The following ABCC3 variants were observed in gnomAD, a reference collection of about 807,000 sequenced individuals.
ABCC3 encodes ATP-binding cassette sub-family C member 3.
A neutral mutation model predicts 165.3 loss-of-function variants in ABCC3; 121 were observed. The observed-to-expected ratio is 0.73, with a 90% CI of 0.63 to 0.85. The LOEUF (loss-of-function observed/expected upper bound fraction) is 0.85, where lower values mean the gene tolerates loss of function less well. Ranked by LOEUF, ABCC3 falls within the 40% of genes least tolerant of loss-of-function variation. ABCC3 has a pLI of 0.00. For missense variants in ABCC3, 1,869 were observed against 1,964.1 expected, an observed-to-expected ratio of 0.95 and a Z score of 0.92; for synonymous variants, 733 against 810.1, an observed-to-expected ratio of 0.90 and a Z score of 1.62.
chr17:50,683,043 A>G (rs905126426), intron 26 of ABCC3, among the ~76,000 whole-genome samples: 2 of 152,058 alleles, frequency 1.3e-5, no homozygotes, highest in Non-Finnish European at 2.9e-5. Flanking sequence ...GTCTCTTCAG[A>G]GTTTTTCTTT....
chr17:50,669,851 C>G (rs1057375149), intron 17 of ABCC3, among the ~76,000 whole-genome samples: 1 of 151,934 alleles, frequency 6.6e-6, no homozygotes, highest in African/African-American at 2.4e-5. Context: ...GATGGAGTGC[C>G]ATGGTGACAT....
At chr17:50,663,405 A>G in intron 8 of ABCC3, 3 of 469,822 alleles carry the variant, frequency 6.4e-6, no homozygotes, top group Non-Finnish European at 1.1e-5. Context: ...GGAGGTAAGA[A>G]GGCAGGCAGG....
At position 50,691,077 on chromosome 17, in the gene ABCC3, CTCT is replaced by C. The variant is rs754931626; in HGVS notation, c.4476-13_4476-11del. On this transcript the variant is annotated splice_polypyrimidine_tract_variant and intron_variant, in intron 30 of 30. Transcript: ENST00000285238. ...GGCTGATGGAAACCTGACCACTTCTCTCTTTTTTGACTAGGGTCCTGGTCCTGG... is the reference window on the plus strand; with the variant it reads ...GGCTGATGGAAACCTGACCACTTCTCTTTTTGACTAGGGTCCTGGTCCTGG... 24 of 1,605,800 alleles carry C rather than the reference CTCT, an allele frequency of 1.5e-5. No homozygotes were observed. The highest frequency in any genetic ancestry group is 4.5e-5 in the East Asian group (2 of 44,864).
At chr17:50,664,224 A>C in intron 10 of ABCC3, 113 bp downstream of exon 10, 1 of 1,405,392 alleles carries the variant, frequency 7.1e-7, no homozygotes, top group Non-Finnish European at 9.7e-7. Flanking sequence ...CCAGCTGCTC[A>C]GGCGGCTGAG....
rs1029184006 is a variant in ABCC3 at position 50,657,725 on chromosome 17, C to G, written c.487-357C>G. On this transcript the variant is annotated intron_variant, in intron 4 of 30. Transcript: ENST00000285238. ...AAGAACATAGGCTGTGAACAACCCA[C>G]TTACTCCCCATGTGGGCTCGGGCGG... is the stretch of plus-strand genomic sequence containing the variant. 6.6e-5 allele frequency among the ~76,000 whole-genome samples: 10 copies of G among 152,356 alleles called. No homozygotes were observed. The East Asian group carries it at 1.9e-3, about 29-fold the overall frequency.
chr17:50,635,610 T>A, intron 1 of ABCC3: 1 of 702,418 alleles, frequency 1.4e-6, no homozygotes, highest in Non-Finnish European at 2.6e-6. Flanking sequence ...AGGTGCAGGG[T>A]GTCAGGATTC....
Position 50,658,426 on chromosome 17 carries a change from G to A in ABCC3, c.613-9G>A, listed in dbSNP as rs371408687. 26 of 1,613,402 alleles carry A rather than the reference G, an allele frequency of 1.6e-5. No individual in the cohort carries two copies. Among genetic ancestry groups the A allele is most frequent in the Admixed American group, 8.3e-5 (5 of 60,002 alleles). Reference sequence around the variant, plus strand: ...CCTGATTCCCCCGTCCTATTCTCTCGCCTTCTAGAACCCCTACCCTGAGAC... The same window carrying A: ...CCTGATTCCCCCGTCCTATTCTCTCACCTTCTAGAACCCCTACCCTGAGAC... On this transcript the variant is annotated splice_polypyrimidine_tract_variant and intron_variant, in intron 5 of 30. Coordinates refer to ENST00000285238, the MANE Select transcript of ABCC3 (RefSeq NM_003786.4).
At chr17:50,658,821 T>G (rs1347677533) in intron 6 of ABCC3, among the ~76,000 whole-genome samples, 1 of 152,238 alleles carries the variant, frequency 6.6e-6, no homozygotes, top group African/African-American at 2.4e-5. Flanking sequence ...TGTCATCTCC[T>G]TGGCTGCGCC....
At chr17:50,650,067 C>T (rs1472355054) in intron 1 of ABCC3, among the ~76,000 whole-genome samples, 2 of 152,182 alleles carry the variant, frequency 1.3e-5, no homozygotes, top group African/African-American at 4.8e-5. Flanking sequence ...AATCTAAGAA[C>T]ACCATGTTGT....
intron 8 of ABCC3, among the ~76,000 whole-genome samples, chr17:50,662,614 G>C (rs1258891746): frequency 6.8e-6 from 1 of 146,736 alleles, no homozygotes; most frequent in African/African-American, 2.6e-5. Context: ...CTCCAGTCTA[G>C]GTGACAGAGA....
At chr17:50,652,174 A>G (rs1967125709) in intron 1 of ABCC3, among the ~76,000 whole-genome samples, 1 of 152,242 alleles carries the variant, frequency 6.6e-6, no homozygotes, top group Non-Finnish European at 1.5e-5. Flanking sequence ...AAAGGAGATA[A>G]GAAACTATGA....
chr17:50,658,369 C>T, intron 5 of ABCC3, 66 bp from the exon 6 acceptor site: 1 of 1,587,028 alleles, frequency 6.3e-7, no homozygotes, highest in Non-Finnish European at 8.7e-7. Flanking sequence ...CCCTCCATTT[C>T]CCTACTCTGC....
chr17:50,648,583 G>T (rs1967049524), intron 1 of ABCC3, among the ~76,000 whole-genome samples: 1 of 152,140 alleles, frequency 6.6e-6, no homozygotes, highest in Non-Finnish European at 1.5e-5. Context: ...CTTCCCTAAA[G>T]GACCAGGTTC....
Position 50,661,090 on chromosome 17 carries a change from C to G in ABCC3, c.974C>G (p.Ser325Cys). Residue 325 changes from serine (S) to cysteine (C), a missense_variant, in exon 8 of 31, where the codon TCC becomes TGC. Coordinates refer to ENST00000285238, the MANE Select transcript of ABCC3 (RefSeq NM_003786.4). ...TTCAAGCTTATCCAGGACCTGCTCT[C>G]CTTCATCAATCCACAGCTGCTCAGG... ...ACFKLIQDLL[S>C]FINPQLLSIL... The G allele has an allele frequency of 6.2e-7, 1 of 1,613,854 alleles. No individual in the cohort carries two copies. Among genetic ancestry groups the G allele is most frequent in the Non-Finnish European group, 8.5e-7 (1 of 1,179,818 alleles).
At chr17:50,655,797 C>T (rs376420023) in intron 1 of ABCC3, 35 bp from the exon 2 acceptor site, 29 of 1,600,560 alleles carry the variant, frequency 1.8e-5, no homozygotes, top group Non-Finnish European at 4.3e-6. Context: ...CTCTGTGGGG[C>T]TGCCACAGCA....
At chr17:50,683,317 T>A (rs1376937340) in intron 26 of ABCC3, among the ~76,000 whole-genome samples, 1 of 142,624 alleles carries the variant, frequency 7.0e-6, no homozygotes, top group Non-Finnish European at 1.5e-5. Flanking sequence ...AAGGCTGCAA[T>A]GAGCCATGAT....
At position 50,671,471 on chromosome 17, in the gene ABCC3, G is replaced by A. The variant is rs771649834; in HGVS notation, c.2242-1500G>A. ...CTGTTCCTAGGAATTTGACTACTTA[G>A]TATCTTAGTCCATTTTCTATTGCTT... On this transcript the variant is annotated intron_variant, in intron 17 of 30. Transcript: ENST00000285238. 2.7e-4 allele frequency among the ~76,000 whole-genome samples: 41 copies of A among 152,090 alleles called. 1 individual carries two copies. The highest frequency in any genetic ancestry group is 1.7e-3 in the Admixed American group (26 of 15,258).
chr17:50,680,894 G>A (rs1967915063), intron 26 of ABCC3, among the ~76,000 whole-genome samples: 1 of 152,076 alleles, frequency 6.6e-6, no homozygotes, highest in Admixed American at 6.6e-5. Flanking sequence ...GGCCAACATG[G>A]TGAAACCCCA....
chr17:50,656,219 G>A (rs1296563540), intron 2 of ABCC3, among the ~76,000 whole-genome samples: 1 of 152,194 alleles, frequency 6.6e-6, no homozygotes, highest in African/African-American at 2.4e-5. Context: ...CTGAGTAGCT[G>A]GGATTACAGG....
Sources: gnomAD v4.1 joint callset for allele counts (sites outside exome capture counted in the v4.1 genomes callset) on GRCh38, gnomAD v4.1.1 for gene constraint, MANE v1.5 for transcripts, NCBI Gene and HGNC (gene_info 2026-07-23, HGNC 2026-07-21) for gene names.